Variants in ERBB4 observed in about 807,000 individuals in gnomAD.
ERBB4 encodes erb-b2 receptor tyrosine kinase 4, also known as receptor tyrosine-protein kinase erbB-4.
In ERBB4, 42 loss-of-function variants were observed where a neutral mutation model predicts 158.0. That is an observed-to-expected ratio of 0.27 (90% CI 0.21 to 0.34). The LOEUF (loss-of-function observed/expected upper bound fraction) is 0.34, where lower values mean the gene tolerates loss of function less well. Ranked by LOEUF, ERBB4 falls within the 10% of genes least tolerant of loss-of-function variation. ERBB4 has a pLI of 1.00. For synonymous variants in ERBB4, 583 were observed against 558.7 expected, an observed-to-expected ratio of 1.04 and a Z score of -0.61; for missense variants, 1,333 against 1,624.1, an observed-to-expected ratio of 0.82 and a Z score of 3.08.
intron 1 of ERBB4, among the ~76,000 whole-genome samples, chr2:212,494,860 T>A (rs1690472195): frequency 6.6e-6 from 1 of 152,130 alleles, no homozygotes; most frequent in Non-Finnish European, 1.5e-5. Flanking sequence ...TCCTCCCTGT[T>A]AGTCATTAAT....
intron 2 of ERBB4, among the ~76,000 whole-genome samples, chr2:212,061,369 C>T (rs879549163): frequency 9.0e-4 from 124 of 138,122 alleles, no homozygotes; most frequent in Non-Finnish European, 1.3e-3. Context: ...GGGAGAATTG[C>T]TTGAACCCAG....
intron 20 of ERBB4, among the ~76,000 whole-genome samples, chr2:211,438,498 G>A (rs2063904970): frequency 1.3e-5 from 2 of 152,102 alleles, no homozygotes; most frequent in Non-Finnish European, 1.5e-5. Flanking sequence ...GGTAATAATA[G>A]TATCTACTCT....
At chr2:211,659,084 G>A (rs1200116388) in intron 15 of ERBB4, among the ~76,000 whole-genome samples, 19 of 151,982 alleles carry the variant, frequency 1.3e-4, no homozygotes, top group Admixed American at 1.2e-3. Flanking sequence ...GATGTAAAAA[G>A]GTGCCAATGT....
chr2:212,003,850 G>T (rs1315716785), intron 2 of ERBB4, among the ~76,000 whole-genome samples: 1 of 152,078 alleles, frequency 6.6e-6, no homozygotes, highest in Non-Finnish European at 1.5e-5. Context: ...TCCCTGGCCA[G>T]ATGACCTTGG....
At chr2:212,064,817 G>A (rs753207737) in intron 2 of ERBB4, among the ~76,000 whole-genome samples, 1 of 152,176 alleles carries the variant, frequency 6.6e-6, no homozygotes. Context: ...AAGGTATTGA[G>A]ACCAGAACAA....
chr2:212,390,829 CATTA>C (rs1326186421), intron 1 of ERBB4, among the ~76,000 whole-genome samples: 1 of 151,714 alleles, frequency 6.6e-6, no homozygotes, highest in Non-Finnish European at 1.5e-5. Flanking sequence ...AAAAAAGGGA[CATTA>C]ATTGTTTTCA....
chr2:211,441,134 G>C (rs1198508851), intron 20 of ERBB4, among the ~76,000 whole-genome samples: 1 of 152,054 alleles, frequency 6.6e-6, no homozygotes, highest in Non-Finnish European at 1.5e-5. Flanking sequence ...TGTTGATTTG[G>C]ATGCCCACTT....
intron 1 of ERBB4, among the ~76,000 whole-genome samples, chr2:212,446,234 T>C (rs980311226): frequency 6.6e-6 from 1 of 151,948 alleles, no homozygotes; most frequent in African/African-American, 2.4e-5. Flanking sequence ...CTTGATTGGA[T>C]TGAAGGATAC....
At chr2:211,630,350 A>C in intron 17 of ERBB4, 112 bp downstream of exon 17, 2 of 1,250,588 alleles carry the variant, frequency 1.6e-6, no homozygotes, top group Non-Finnish European at 2.3e-6. Context: ...TAAAAAACTT[A>C]ATTAGGACAC....
chr2:212,459,003 CT>C (rs1458246942), intron 1 of ERBB4, among the ~76,000 whole-genome samples: 4 of 151,990 alleles, frequency 2.6e-5, no homozygotes, highest in Non-Finnish European at 5.9e-5. Flanking sequence ...ATTAAAAGCT[CT>C]ATATTTTCAT....
intron 2 of ERBB4, among the ~76,000 whole-genome samples, chr2:212,046,753 C>T (rs905514108): frequency 6.6e-5 from 10 of 152,112 alleles, no homozygotes; most frequent in African/African-American, 2.2e-4. Context: ...AAAATTTCTT[C>T]ACCTAGTGAT....
chr2:211,438,687 G>A (rs1185839667), intron 20 of ERBB4, among the ~76,000 whole-genome samples: 1 of 152,098 alleles, frequency 6.6e-6, no homozygotes, highest in Non-Finnish European at 1.5e-5. Flanking sequence ...ACTGTTAGGT[G>A]CAATAGCTTC....
intron 25 of ERBB4, among the ~76,000 whole-genome samples, chr2:211,403,322 G>T (rs1001687320): frequency 6.6e-6 from 1 of 152,112 alleles, no homozygotes; most frequent in East Asian, 1.9e-4. Context: ...TTAATATGCT[G>T]TAAGATTCCA....
intron 1 of ERBB4, among the ~76,000 whole-genome samples, chr2:212,453,111 T>C (rs777690805): frequency 1.3e-5 from 2 of 152,220 alleles, no homozygotes; most frequent in Non-Finnish European, 2.9e-5. Flanking sequence ...ACAGGGATTA[T>C]ATCTACATAC....
intron 20 of ERBB4, among the ~76,000 whole-genome samples, chr2:211,436,164 G>GA (rs965167484): frequency 6.6e-6 from 1 of 152,066 alleles, no homozygotes; most frequent in Non-Finnish European, 1.5e-5. Context: ...TACTTTGGCA[G>GA]AAAAAAACTA....
At chr2:212,536,312 G>A (rs532701964) in intron 1 of ERBB4, among the ~76,000 whole-genome samples, 5 of 152,254 alleles carry the variant, frequency 3.3e-5, no homozygotes, top group Non-Finnish European at 5.9e-5. Flanking sequence ...GGCAGGGTGG[G>A]GGTGGGGGAG....
intron 20 of ERBB4, among the ~76,000 whole-genome samples, chr2:211,484,921 C>T (rs2125556485): frequency 6.6e-6 from 1 of 152,264 alleles, no homozygotes; most frequent in South Asian, 2.1e-4. Flanking sequence ...TTGAACAGTC[C>T]AGCAGTGGCT....
At chr2:211,504,856 G>A (rs570311924) in intron 20 of ERBB4, among the ~76,000 whole-genome samples, 14 of 152,246 alleles carry the variant, frequency 9.2e-5, no homozygotes, top group African/African-American at 3.1e-4. Context: ...AAAAAGGAAT[G>A]TCAGAACTTG....
intron 19 of ERBB4, among the ~76,000 whole-genome samples, chr2:211,573,962 C>T (rs1369850051): frequency 6.6e-6 from 1 of 152,138 alleles, no homozygotes; most frequent in African/African-American, 2.4e-5. Context: ...GATGCAGATA[C>T]TTTTAATTCA....
Sources: gnomAD v4.1 joint callset for allele counts (sites outside exome capture counted in the v4.1 genomes callset) on GRCh38, gnomAD v4.1.1 for gene constraint, MANE v1.5 for transcripts, NCBI Gene and HGNC (gene_info 2026-07-23, HGNC 2026-07-21) for gene names.